Variants in ACSBG1 observed in about 807,000 individuals in gnomAD.
The protein encoded by ACSBG1 is long-chain-fatty-acid--CoA ligase ACSBG1.
A neutral mutation model predicts 80.2 loss-of-function variants in ACSBG1; 39 were observed. The ratio of observed to expected loss-of-function variants is 0.49; its 90% CI spans 0.38 to 0.64. The LOEUF is 0.64. ACSBG1 is among the 30% of genes least tolerant of loss of function. The pLI, the probability that ACSBG1 is intolerant of heterozygous loss-of-function variation, is 0.00. For synonymous variants in ACSBG1, 392 were observed against 379.5 expected, an observed-to-expected ratio of 1.03 and a Z score of -0.38; for missense variants, 828 against 966.4, an observed-to-expected ratio of 0.86 and a Z score of 1.90.
chr15:78,177,579 C>T lies in ACSBG1; in HGVS notation c.1702+1035G>A, dbSNP rs371620095. 6.6e-6 allele frequency among the ~76,000 whole-genome samples: 1 copy of T among 152,148 alleles called. No homozygotes were observed. The highest frequency in any genetic ancestry group is 1.9e-4 in the East Asian group (1 of 5,184). ...CACTAGGCGGCGCCCATGGCACATC[C>T]AAGCAGTCACCTGTTGCTCCCGGGG... On this transcript the variant is annotated intron_variant, in intron 11 of 13. Coordinates refer to ENST00000258873, the MANE Select transcript of ACSBG1 (RefSeq NM_015162.5). The surrounding 1 kb of genome is among the most constrained non-coding windows in gnomAD (Gnocchi z 4.1).
In ACSBG1 at chr15:78,172,562, T is replaced by G. The variant is rs912026536; in HGVS notation, c.2089+1031A>C. Among the ~76,000 whole-genome samples the G allele has an allele frequency of 6.6e-6, 1 of 152,238 alleles. No individual in the cohort carries two copies. Among genetic ancestry groups the G allele is most frequent in the African/African-American group, 2.4e-5 (1 of 41,458 alleles). ...TGACTGTGTAACTGGAAACTTTCTG[T>G]GTTAAAGTCATTATATTAACTGCTT... On this transcript the variant is annotated intron_variant, in intron 13 of 13. Transcript: ENST00000258873. This position sits in a 1 kb window ranked among gnomAD's most constrained non-coding sequence, Gnocchi z 4.1.
intron 1 of ACSBG1, among the ~76,000 whole-genome samples, chr15:78,210,195 G>A (rs2075255597): frequency 6.6e-6 from 1 of 152,204 alleles, no homozygotes; most frequent in Non-Finnish European, 1.5e-5. Flanking sequence ...CATGGTCAAT[G>A]AGAGGGTGGA....
In ACSBG1 at chr15:78,182,692, C is replaced by A; in HGVS notation, c.744+13G>T. 1 of 1,614,194 alleles carries A rather than the reference C, an allele frequency of 6.2e-7. No individual in the cohort carries two copies. The highest frequency in any genetic ancestry group is 8.5e-7 in the Non-Finnish European group (1 of 1,179,998). ...TAGGCCCCACCTGGCGCCCAGGGCC[C>A]CACTGCCCATACCGTGTACACATTG... On this transcript the variant is annotated intron_variant, in intron 6 of 13. Transcript: ENST00000258873.
At position 78,171,250 on chromosome 15, in the gene ACSBG1, C is replaced by T. The variant is rs552465923; in HGVS notation, c.*194G>A. 48 of 496,240 alleles carry T rather than the reference C, an allele frequency of 9.7e-5. No individual in the cohort carries two copies. The highest frequency in any genetic ancestry group is 7.3e-4 in the African/African-American group (38 of 52,042). 30.7% of individuals were successfully genotyped at this position (496,240 alleles called of 1,614,324 possible). A position where few individuals can be genotyped will look rare whatever the true frequency, so the allele number is the denominator to read the frequency against. On this transcript the variant is annotated 3_prime_UTR_variant, in exon 14 of 14. Coordinates refer to ENST00000258873, the MANE Select transcript of ACSBG1 (RefSeq NM_015162.5). ...TTAAACTGAATTAAAACTACCCACA[C>T]GTGAAGCTTCTTGGAATTGTCAGCT...
chr15:78,184,953 GTGC>G (rs1473711579), intron 5 of ACSBG1, among the ~76,000 whole-genome samples: 23 of 152,070 alleles, frequency 1.5e-4, no homozygotes, highest in Non-Finnish European at 3.1e-4. Flanking sequence ...GCCTCTAAGT[GTGC>G]CCCAGCTTTC....
In ACSBG1 at chr15:78,174,442, G is replaced by C. The variant is rs1299493718; in HGVS notation, c.1785C>G (p.Ser595Arg). ...TCTGGTCCCCAATGAGCATGGCGTT[G>C]CTGATGATGGGCAGCTCCATCTTCA... ...EAVKMELPII[S>R]NAMLIGDQRK... is the part of the protein sequence containing the mutation. The change falls in exon 12 of 14, where the codon AGC (serine) becomes AGG (arginine). Residue 595 changes from serine (S) to arginine (R), a missense_variant. Physicochemically the swap from Ser to Arg is moderately radical, Grantham distance 110 (BLOSUM62 -1). Transcript: ENST00000258873. 1.2e-6 allele frequency: 2 copies of C among 1,614,186 alleles called. No homozygotes were observed. Among genetic ancestry groups the C allele is most frequent in the African/African-American group, 2.7e-5 (2 of 75,034 alleles).
chr15:78,198,396 G>A (rs2075134427), intron 2 of ACSBG1, among the ~76,000 whole-genome samples: 1 of 150,588 alleles, frequency 6.6e-6, no homozygotes. Flanking sequence ...GCCCAGGCTG[G>A]AATGCAGTGG....
chr15:78,184,182 T>G (rs768790202), intron 5 of ACSBG1, among the ~76,000 whole-genome samples: 15 of 152,140 alleles, frequency 9.9e-5, no homozygotes, highest in Non-Finnish European at 2.1e-4. Flanking sequence ...TCTGGGGTTT[T>G]GTTTTGTTGG....
chr15:78,202,659 C>T (rs757381295), intron 2 of ACSBG1, among the ~76,000 whole-genome samples: 4 of 152,198 alleles, frequency 2.6e-5, no homozygotes, highest in Non-Finnish European at 5.9e-5. Context: ...AAAATACAAT[C>T]AGGCAAACAG....
intron 1 of ACSBG1, among the ~76,000 whole-genome samples, chr15:78,231,068 G>A (rs781686193): frequency 5.3e-5 from 8 of 152,126 alleles, no homozygotes; most frequent in Non-Finnish European, 8.8e-5. Flanking sequence ...ATTTTCCCAC[G>A]TCAGCCTTCT....
In ACSBG1 at chr15:78,194,691, C is replaced by G; in HGVS notation, c.268G>C (p.Val90Leu). 1 of 1,613,580 alleles carries G rather than the reference C, an allele frequency of 6.2e-7. No homozygotes were observed. Among genetic ancestry groups the G allele is most frequent in the Non-Finnish European group, 8.5e-7 (1 of 1,179,918 alleles). The change falls in exon 3 of 14, where the codon GTG becomes CTG. Residue 90 changes from valine (V) to leucine (L), a missense_variant. Coordinates refer to ENST00000258873, the MANE Select transcript of ACSBG1 (RefSeq NM_015162.5). ...CAGCTGGGGTCTATGCGCAGGCGCA[C>G]CCGCCCATCGGCCCGAGTCGTCCAC... ...ALWTTRADGRVRLRIDPSCPQ... is the reference protein window; with the variant it reads ...ALWTTRADGRLRLRIDPSCPQ...
chr15:78,173,780 C>T lies in ACSBG1; in HGVS notation c.1902G>A (p.Glu634=). The T allele has an allele frequency of 1.2e-6, 2 of 1,614,212 alleles. No individual in the cohort carries two copies. Among genetic ancestry groups the T allele is most frequent in the African/African-American group, 1.3e-5 (1 of 75,054 alleles). ...CTCTGCTGCCCACCCTCTGGCAGAA[C>T]TCCATAGCTTGTTCAGTCAGATTAT... is the stretch of plus-strand genomic sequence containing the variant. ...QTDNLTEQAM[E]FCQRVGSRAT... is the part of the protein sequence containing the mutation. The change falls in exon 13 of 14, where the codon GAG becomes GAA. Residue 634 remains glutamate (E), a synonymous_variant. Transcript: ENST00000258873.
intron 1 of ACSBG1, chr15:78,212,696 C>T: frequency 4.7e-6 from 2 of 427,520 alleles, no homozygotes; most frequent in Non-Finnish European, 9.5e-6. Context: ...GCCACAGCAG[C>T]CCCAGAGAGG....
rs1431228973 is a variant in ACSBG1, at chr15:78,193,599, G to A, written c.570C>T (p.Thr190=). ...AGGIVTGIYT[T]SSPEACQYIA... is the part of the protein sequence containing the mutation. ...TGTACTGGCAGGCCTCTGGGGAGCT[G>A]GTGGTGTAGATGCCAGTGACGATGC... Residue 190 remains threonine, a synonymous_variant, in exon 5 of 14, where the codon ACC becomes ACT. Transcript: ENST00000258873. 2 of 1,613,782 alleles carry A rather than the reference G, an allele frequency of 1.2e-6. No homozygotes were observed. The highest frequency in any genetic ancestry group is 1.7e-5 in the Admixed American group (1 of 59,994).
rs560263967 is a variant in ACSBG1, at chr15:78,201,216, G to T, written c.233-6490C>A. ...GGGTCCTGGCTACCAGCAGCAACCC[G>T]GCCTCCAGCAGAGGCCAGGGGCCTC... is the stretch of plus-strand genomic sequence containing the variant. On this transcript the variant is annotated intron_variant, in intron 2 of 13. Transcript: ENST00000258873. Among the ~76,000 whole-genome samples the T allele has an allele frequency of 2.6e-5, 4 of 152,234 alleles. No homozygotes were observed. The South Asian group carries it at 8.3e-4, about 32-fold the overall frequency.
At position 78,169,917 on chromosome 15, in the gene ACSBG1, A is replaced by T. The variant is rs1349557294; in HGVS notation, c.*1527T>A. On this transcript the variant is annotated 3_prime_UTR_variant, in exon 14 of 14. Transcript: ENST00000258873. Reference sequence around the variant, plus strand: ...GGTAGTTCTGGGGGCGATACTGCCGAAAGGCCCGAACACATGTATTTTGGC... The same window carrying T: ...GGTAGTTCTGGGGGCGATACTGCCGTAAGGCCCGAACACATGTATTTTGGC... 6.6e-6 allele frequency: 1 copy of T among 152,248 alleles called. No individual in the cohort carries two copies. The highest frequency in any genetic ancestry group is 1.5e-5 in the Non-Finnish European group (1 of 68,042). The allele number at this position is 152,248 out of a possible 1,614,324, so 9.4% of individuals were successfully genotyped here. A position where few individuals can be genotyped will look rare whatever the true frequency, so the allele number is the denominator to read the frequency against.
intron 2 of ACSBG1, among the ~76,000 whole-genome samples, chr15:78,206,621 C>T (rs529464880): frequency 2.0e-5 from 3 of 152,258 alleles, no homozygotes; most frequent in South Asian, 4.2e-4. Flanking sequence ...AAACTCAGGG[C>T]CTTCTCCCTG....
At chr15:78,173,938 C>A in intron 12 of ACSBG1, 99 bp from the exon 13 acceptor site, 1 of 1,398,950 alleles carries the variant, frequency 7.1e-7, no homozygotes, top group Non-Finnish European at 9.6e-7. Flanking sequence ...GGGTGTGAAT[C>A]ATGTGAGCTC....
Position 78,178,915 on chromosome 15 carries a change from G to T in ACSBG1, c.1485-84C>A. 7.4e-7 allele frequency: 1 copy of T among 1,345,596 alleles called. No homozygotes were observed. The highest frequency in any genetic ancestry group is 1.0e-6 in the Non-Finnish European group (1 of 998,248). 83.4% of individuals were successfully genotyped at this position (1,345,596 alleles called of 1,614,324 possible). A position where few individuals can be genotyped will look rare whatever the true frequency, so the allele number is the denominator to read the frequency against. On this transcript the variant is annotated intron_variant, in intron 10 of 13. Transcript: ENST00000258873. This position sits in a 1 kb window ranked among gnomAD's most constrained non-coding sequence, Gnocchi z 4.3. ...TGGGGAGCCGGGGTCCCAACTGCTC[G>T]GTCTTCACTGATTGCTAGAAGGTAT...
Sources: gnomAD v4.1 joint callset for allele counts (sites outside exome capture counted in the v4.1 genomes callset) on GRCh38, gnomAD v4.1.1 for gene constraint, Gnocchi (gnomAD v3.1) non-coding constraint, MANE v1.5 for transcripts, NCBI Gene and HGNC (gene_info 2026-07-23, HGNC 2026-07-21) for gene names.